Variants in POM121C observed in about 807,000 individuals in gnomAD.
POM121C encodes POM121 transmembrane nucleoporin C.
A neutral mutation model predicts 66.4 loss-of-function variants in POM121C; 20 were observed. The ratio of observed to expected loss-of-function variants is 0.30; its 90% CI spans 0.21 to 0.44. The LOEUF is 0.44. Among genes scored for constraint, POM121C ranks in the 20% least tolerant of loss-of-function variants. The pLI is 1.00. For missense variants in POM121C, 580 were observed against 1,225.7 expected, an observed-to-expected ratio of 0.47 and a Z score of 7.87; for synonymous variants, 286 against 528.0, an observed-to-expected ratio of 0.54 and a Z score of 6.28.
At chr7:75,440,782 A>T (rs1177175889) in intron 5 of POM121C, 172 bp downstream of exon 5, 1 of 1,141,002 alleles carries the variant, frequency 8.8e-7, no homozygotes, top group Admixed American at 2.3e-5. Context: ...TGTGCCTTGA[A>T]ATGAACAGCA....
intron 3 of POM121C, among the ~76,000 whole-genome samples, chr7:75,447,043 C>G (rs1483818738): frequency 1.5e-5 from 2 of 134,644 alleles, no homozygotes; most frequent in East Asian, 4.6e-4. Flanking sequence ...AAAAAATGAC[C>G]ATTACTCAAC....
chr7:75,485,202 G>A (rs1325525537), intron 1 of POM121C, among the ~76,000 whole-genome samples: 1 of 152,126 alleles, frequency 6.6e-6, no homozygotes, highest in Non-Finnish European at 1.5e-5. Context: ...TAGGAATTGA[G>A]TATGTGAGCT....
rs587773134 is a variant in POM121C at position 75,451,195 on chromosome 7, C to A, written c.-151-9548G>T. On this transcript the variant is annotated intron_variant, in intron 3 of 14. Transcript: ENST00000615331. Reference sequence around the variant, plus strand: ...AACTACCTTAAATTTCATATGAAACCAAAAACGAGCCCATATAGCCAAGAC... The same window carrying A: ...AACTACCTTAAATTTCATATGAAACAAAAAACGAGCCCATATAGCCAAGAC... 5.6e-3 allele frequency among the ~76,000 whole-genome samples: 846 copies of A among 152,182 alleles called. 8 individuals are homozygous for A. Among genetic ancestry groups the A allele is most frequent in the African/African-American group, 0.019 (786 of 41,504 alleles).
intron 3 of POM121C, among the ~76,000 whole-genome samples, chr7:75,447,649 GGCTGA>G (rs1474941323): frequency 6.6e-6 from 1 of 152,120 alleles, no homozygotes; most frequent in Non-Finnish European, 1.5e-5. Context: ...CACTTTGAGA[GGCTGA>G]GCTGGGCAGA....
chr7:75,447,007 CAAAAAAAAAAAAAAAA>C (rs60389539), intron 3 of POM121C, among the ~76,000 whole-genome samples: 1 of 53,514 alleles, frequency 1.9e-5, no homozygotes, highest in Non-Finnish European at 3.1e-5. Flanking sequence ...GACTCCGTCT[CAAAAAAAAAAAAAAAA>C]AAAAAAAAAA....
intron 1 of POM121C, among the ~76,000 whole-genome samples, chr7:75,484,490 C>A (rs1792433112): frequency 1.3e-5 from 2 of 152,012 alleles, no homozygotes; most frequent in African/African-American, 4.8e-5. Flanking sequence ...ATGGCAAAAC[C>A]CCGTCTCTAC....
chr7:75,469,520 A>G (rs587715100), intron 3 of POM121C, among the ~76,000 whole-genome samples: 70 of 152,316 alleles, frequency 4.6e-4, no homozygotes, highest in Admixed American at 4.3e-3. Flanking sequence ...TGTTTTGACC[A>G]GAGTTCTCCT....
At chr7:75,443,007 G>A (rs1338055468) in intron 3 of POM121C, among the ~76,000 whole-genome samples, 26 of 152,092 alleles carry the variant, frequency 1.7e-4, no homozygotes, top group Non-Finnish European at 2.4e-4. Context: ...AAAAGGACCC[G>A]AGACCTATGC....
chr7:75,433,190 G>A (rs1378395818), intron 7 of POM121C, among the ~76,000 whole-genome samples: 10 of 117,214 alleles, frequency 8.5e-5, no homozygotes, highest in African/African-American at 2.2e-4. Context: ...AGCTGAGATC[G>A]CACCGCTGCA....
chr7:75,476,515 C>A (rs1476319151), intron 1 of POM121C, among the ~76,000 whole-genome samples: 1 of 151,934 alleles, frequency 6.6e-6, no homozygotes, highest in Non-Finnish European at 1.5e-5. Context: ...CCATGTAGAT[C>A]CCAAGAGATA....
intron 7 of POM121C, among the ~76,000 whole-genome samples, chr7:75,427,882 G>T (rs1790017673): frequency 6.6e-6 from 1 of 152,134 alleles, no homozygotes; most frequent in Non-Finnish European, 1.5e-5. Context: ...AGTTCAGTGA[G>T]GCCATCATCA....
At chr7:75,425,040 C>T (rs376549208) in intron 10 of POM121C, 34 bp downstream of exon 10, 1,162 of 1,479,646 alleles carry the variant, frequency 7.9e-4, no homozygotes, top group Non-Finnish European at 9.8e-4. Context: ...AGAGCTAAGC[C>T]GGGGAGGGCA....
At chr7:75,473,692 T>G (rs1379090351) in intron 3 of POM121C, among the ~76,000 whole-genome samples, 2 of 151,832 alleles carry the variant, frequency 1.3e-5, no homozygotes, top group Non-Finnish European at 2.9e-5. Flanking sequence ...GTTTGTTTGT[T>G]TTTTTGTTTT....
intron 5 of POM121C, 154 bp downstream of exon 5, chr7:75,440,800 C>T: frequency 1.5e-6 from 2 of 1,302,160 alleles, no homozygotes; most frequent in Non-Finnish European, 2.2e-6. Context: ...GCATTAAAAC[C>T]CTTGTTATTA....
chr7:75,455,625 GC>G (rs1791183093), intron 3 of POM121C, among the ~76,000 whole-genome samples: 1 of 150,956 alleles, frequency 6.6e-6, no homozygotes, highest in Admixed American at 6.6e-5. Context: ...TTAAGATTCA[GC>G]CCAACTGTCA....
intron 3 of POM121C, among the ~76,000 whole-genome samples, chr7:75,454,854 GC>G (rs1370926158): frequency 6.6e-6 from 1 of 152,194 alleles, no homozygotes; most frequent in Non-Finnish European, 1.5e-5. Flanking sequence ...TGAAGTTGCT[GC>G]CACCTGGGCA....
chr7:75,482,883 C>T (rs587759104), intron 1 of POM121C, among the ~76,000 whole-genome samples: 1 of 152,256 alleles, frequency 6.6e-6, no homozygotes, highest in African/African-American at 2.4e-5. Context: ...CTGGATTTGA[C>T]TGCAATTAAA....
chr7:75,469,126 G>T (rs1300573435), intron 3 of POM121C, among the ~76,000 whole-genome samples: 1 of 150,912 alleles, frequency 6.6e-6, no homozygotes, highest in African/African-American at 2.4e-5. Flanking sequence ...CCTAGACAGG[G>T]TCTTGCTCTG....
In POM121C at chr7:75,422,354, G is replaced by A; in HGVS notation, c.1898C>T (p.Thr633Ile). Residue 633 changes from threonine to isoleucine, a missense_variant, in exon 13 of 15, where the codon ACC (threonine) becomes ATC (isoleucine). Physicochemically the swap from Thr to Ile is moderately conservative, Grantham distance 89. Coordinates refer to ENST00000615331, the MANE Select transcript of POM121C (RefSeq NM_001099415.3). ...PALPTTTTVTTFSQSLPTAVP... is the reference protein window; with the variant it reads ...PALPTTTTVTIFSQSLPTAVP... ...GGCAGTGGGCAGGGACTGGCTGAAGGTGGTGACTGTGGTGGTTGTGGGCAA... is the reference window on the plus strand; with the variant it reads ...GGCAGTGGGCAGGGACTGGCTGAAGATGGTGACTGTGGTGGTTGTGGGCAA... 1.2e-6 allele frequency: 2 copies of A among 1,611,078 alleles called. No individual in the cohort carries two copies. Among genetic ancestry groups the A allele is most frequent in the Non-Finnish European group, 1.7e-6 (2 of 1,179,014 alleles).
Sources: gnomAD v4.1 joint callset for allele counts (sites outside exome capture counted in the v4.1 genomes callset) on GRCh38, gnomAD v4.1.1 for gene constraint, MANE v1.5 for transcripts, NCBI Gene and HGNC (gene_info 2026-07-23, HGNC 2026-07-21) for gene names.